Variants in RTN4 observed in about 807,000 individuals in gnomAD.
RTN4 encodes reticulon-4.
Under a neutral mutation model 90.4 loss-of-function variants are expected in RTN4, and 32 were observed. The ratio of observed to expected loss-of-function variants is 0.35; its 90% CI spans 0.27 to 0.48. The LOEUF (loss-of-function observed/expected upper bound fraction) is 0.48. Among genes scored for constraint, RTN4 ranks in the 20% least tolerant of loss-of-function variants. RTN4 has a pLI of 0.99. For missense variants in RTN4, 1,706 were observed against 1,430.2 expected (o/e 1.19, Z -3.11); for synonymous variants, 629 against 552.5 (o/e 1.14, Z -1.94).
At chr2:55,036,394 G>C (rs887735992) in intron 1 of RTN4, among the ~76,000 whole-genome samples, 6 of 152,064 alleles carry the variant, frequency 3.9e-5, no homozygotes, top group Admixed American at 3.3e-4. Context: ...TTGAGGCCAA[G>C]AGTTTGAGAC....
In RTN4 at chr2:54,977,953, C is replaced by A. The variant is rs187274654; in HGVS notation, c.3361-3189G>T. On this transcript the variant is annotated intron_variant, in intron 5 of 8. Coordinates refer to ENST00000337526, the MANE Select transcript of RTN4 (RefSeq NM_020532.5). ...CACACGGATACCCATCATTTCACAC[C>A]GGTGTTTATAAAAGGACTAATGAGC... Among the ~76,000 whole-genome samples, 166 of 152,256 alleles carry A rather than the reference C, an allele frequency of 1.1e-3. 1 individual carries two copies. The highest frequency in any genetic ancestry group is 1.7e-3 in the Non-Finnish European group (118 of 68,034).
chr2:55,086,161 G>T (rs1224163864), intron 1 of RTN4, among the ~76,000 whole-genome samples: 1 of 152,110 alleles, frequency 6.6e-6, no homozygotes, highest in Non-Finnish European at 1.5e-5. Context: ...AAGACACAAA[G>T]ATCAAGATGC....
At chr2:54,974,226 G>A (rs956698305) in intron 6 of RTN4, 4 of 244,948 alleles carry the variant, frequency 1.6e-5, no homozygotes. Context: ...AGCAACTAAG[G>A]TAGCATTTCA....
chr2:55,036,599 C>CAAAAAAAAAAA (rs71410411), intron 1 of RTN4, among the ~76,000 whole-genome samples: 20 of 72,992 alleles, frequency 2.7e-4, no homozygotes, highest in South Asian at 4.8e-4. Context: ...AAGACTGTCT[C>CAAAAAAAAAAA]AAAAAAAAAA....
At chr2:55,074,973 A>T (rs1407388331) in intron 2 of RTN4, among the ~76,000 whole-genome samples, 1 of 152,238 alleles carries the variant, frequency 6.6e-6, no homozygotes, top group Admixed American at 6.5e-5. Context: ...CTAACATTAT[A>T]CCAACTGGGG....
intron 2 of RTN4, among the ~76,000 whole-genome samples, chr2:55,060,931 G>T (rs1247305427): frequency 1.3e-5 from 2 of 152,052 alleles, no homozygotes; most frequent in Non-Finnish European, 2.9e-5. Context: ...AAATAAAGAA[G>T]ACTTCTTGTT....
intron 1 of RTN4, among the ~76,000 whole-genome samples, chr2:55,037,364 T>C (rs1682763324): frequency 6.6e-6 from 1 of 152,230 alleles, no homozygotes; most frequent in Non-Finnish European, 1.5e-5. Context: ...AACATTTGTA[T>C]TGTGAACAGC....
chr2:55,107,881 T>C (rs574139565), intron 1 of RTN4, among the ~76,000 whole-genome samples: 1 of 152,262 alleles, frequency 6.6e-6, no homozygotes, highest in South Asian at 2.1e-4. Flanking sequence ...CACTAGATTC[T>C]GTACAACCTC....
Position 55,049,772 on chromosome 2 carries a change from TGGGCGCGGCCGGGGTGGAGGG to T in RTN4, c.508_528del (p.Pro170_Pro176del). On this transcript the variant is annotated inframe_deletion, in exon 1 of 9. Transcript: ENST00000337526. Reference sequence around the variant, plus strand: ...ACTGAGCCCGAGGAGCCCCTGCGCTTGGGCGCGGCCGGGGTGGAGGGGGGCGCGGCGGGAGCCGGGGCTGGC... The same window carrying T: ...ACTGAGCCCGAGGAGCCCCTGCGCTTGGGCGCGGCGGGAGCCGGGGCTGGC... The T allele has an allele frequency of 7.7e-7, 1 of 1,291,422 alleles. No individual in the cohort carries two copies. The highest frequency in any genetic ancestry group is 9.8e-7 in the Non-Finnish European group (1 of 1,021,156). The allele number at this position is 1,291,422 out of a possible 1,614,324, so 80.0% of individuals were successfully genotyped here.
At chr2:55,031,909 G>C (rs891104178) in intron 1 of RTN4, among the ~76,000 whole-genome samples, 5 of 152,060 alleles carry the variant, frequency 3.3e-5, no homozygotes. Flanking sequence ...AACTTGAAAG[G>C]ATCAAAATGA....
At chr2:55,012,378 CTTT>C (rs1371628247) in intron 3 of RTN4, among the ~76,000 whole-genome samples, 1 of 152,056 alleles carries the variant, frequency 6.6e-6, no homozygotes, top group Non-Finnish European at 1.5e-5. Flanking sequence ...ACATCTACTT[CTTT>C]AATTTTTATG....
At chr2:55,025,001 A>G in intron 3 of RTN4, 85 bp downstream of exon 3, 8 of 1,461,416 alleles carry the variant, frequency 5.5e-6, no homozygotes, top group Non-Finnish European at 7.3e-6. Context: ...CACTATAAAC[A>G]TAATATAAAA....
chr2:55,049,192 G>A, intron 1 of RTN4: 1 of 986,548 alleles, frequency 1.0e-6, no homozygotes, highest in Non-Finnish European at 1.2e-6. Context: ...CACGAGCACA[G>A]GAGGAGGGGG....
chr2:55,084,970 T>C (rs1668809218), intron 1 of RTN4, among the ~76,000 whole-genome samples: 1 of 152,128 alleles, frequency 6.6e-6, no homozygotes, highest in Admixed American at 6.6e-5. Flanking sequence ...AAAGAAAATA[T>C]TGTAGAGACT....
At chr2:55,069,377 C>CA (rs971278156) in intron 2 of RTN4, among the ~76,000 whole-genome samples, 14 of 152,144 alleles carry the variant, frequency 9.2e-5, no homozygotes, top group Non-Finnish European at 1.8e-4. Context: ...CCGCCCCCCT[C>CA]AAAAAAATCA....
intron 2 of RTN4, among the ~76,000 whole-genome samples, chr2:55,073,645 A>ACT (rs1270757113): frequency 2.0e-5 from 3 of 152,232 alleles, no homozygotes; most frequent in African/African-American, 7.2e-5. Context: ...ATTAGGAGCC[A>ACT]CTTTAAAATA....
intron 1 of RTN4, among the ~76,000 whole-genome samples, chr2:55,090,905 C>T (rs900754567): frequency 1.6e-4 from 25 of 152,200 alleles, no homozygotes; most frequent in Admixed American, 2.0e-4. Flanking sequence ...TGCTTTCTCT[C>T]ATTCTCTCTA....
At chr2:55,114,567 C>T (rs970769210), upstream of RTN4, among the ~76,000 whole-genome samples, 3 of 152,116 alleles carry the variant, frequency 2.0e-5, no homozygotes, top group East Asian at 1.9e-4. Context: ...AGCGTGGTGA[C>T]GCACGCCTGT....
chr2:54,981,086 T>C (rs1678079031), intron 5 of RTN4, among the ~76,000 whole-genome samples: 1 of 152,122 alleles, frequency 6.6e-6, no homozygotes, highest in African/African-American at 2.4e-5. Context: ...ATGCAACCAC[T>C]CTATACGAAA....
Sources: allele counts gnomAD v4.1 joint callset (sites outside exome capture counted in the v4.1 genomes callset), GRCh38; gene constraint gnomAD v4.1.1; transcripts MANE v1.5; gene names NCBI Gene and HGNC (gene_info 2026-07-23, HGNC 2026-07-21).